Variants in COG6 observed in about 807,000 individuals in gnomAD.
COG6 encodes the protein component of oligomeric golgi complex 6.
A neutral mutation model predicts 88.8 loss-of-function variants in COG6; 74 were observed. That is an observed-to-expected ratio of 0.83 (90% confidence interval 0.69 to 1.01). The LOEUF (loss-of-function observed/expected upper bound fraction) is 1.01, where lower values mean the gene tolerates loss of function less well. COG6 is among the 50% of genes least tolerant of loss of function. The pLI is 0.00. For synonymous variants in COG6, 286 were observed against 278.7 expected, an observed-to-expected ratio of 1.03 and a Z score of -0.26; for missense variants, 800 against 797.9, an observed-to-expected ratio of 1.00 and a Z score of -0.03.
intron 4 of COG6, among the ~76,000 whole-genome samples, chr13:39,676,465 G>A (rs1445753133): frequency 6.6e-6 from 1 of 152,000 alleles, no homozygotes; most frequent in Non-Finnish European, 1.5e-5. Context: ...ATTCAATTAG[G>A]TGATTTATCA....
chr13:39,707,820 T>C (rs1202056923), intron 13 of COG6, among the ~76,000 whole-genome samples: 1 of 152,224 alleles, frequency 6.6e-6, no homozygotes, highest in East Asian at 1.9e-4. Flanking sequence ...ATGTTTCTAG[T>C]TCTTGGATAT....
At chr13:39,730,131 T>A (rs1249228480) in intron 18 of COG6, among the ~76,000 whole-genome samples, 2 of 152,174 alleles carry the variant, frequency 1.3e-5, no homozygotes, top group Non-Finnish European at 2.9e-5. Flanking sequence ...TACTTTTTTT[T>A]AAATGTGAAT....
At chr13:39,725,631 TAAG>T (rs1267499339) in intron 17 of COG6, among the ~76,000 whole-genome samples, 1 of 151,602 alleles carries the variant, frequency 6.6e-6, no homozygotes, top group Non-Finnish European at 1.5e-5. Context: ...ATGAGACAAA[TAAG>T]AAACATTATG....
At chr13:39,689,457 T>A (rs977957034) in intron 10 of COG6, among the ~76,000 whole-genome samples, 3 of 152,170 alleles carry the variant, frequency 2.0e-5, no homozygotes, top group Admixed American at 1.3e-4. Context: ...CATTTCACCC[T>A]CTTTTTTTCC....
intron 13 of COG6, among the ~76,000 whole-genome samples, chr13:39,706,883 C>T (rs914310021): frequency 1.3e-5 from 2 of 151,904 alleles, no homozygotes; most frequent in African/African-American, 4.8e-5. Context: ...AGGGTTTCAC[C>T]ATGTTGGCCA....
At chr13:39,656,031 G>A (rs1874464631) in intron 1 of COG6, 152 bp downstream of exon 1, 1 of 998,410 alleles carries the variant, frequency 1.0e-6, no homozygotes, top group Non-Finnish European at 1.6e-6. Context: ...GCTGCTCTGC[G>A]GGCGCCGGGG....
At chr13:39,703,197 A>G (rs1877682708) in intron 13 of COG6, among the ~76,000 whole-genome samples, 1 of 151,912 alleles carries the variant, frequency 6.6e-6, no homozygotes, top group Admixed American at 6.6e-5. Flanking sequence ...ATTTTCACCC[A>G]TTTCCTCAAA....
chr13:39,761,876 A>G (rs936295433), intron 18 of COG6, among the ~76,000 whole-genome samples: 3 of 151,804 alleles, frequency 2.0e-5, no homozygotes, highest in African/African-American at 7.2e-5. Context: ...AAAATAACAA[A>G]TGTTGACAAG....
intron 2 of COG6, 27 bp downstream of exon 2, chr13:39,659,534 A>G: frequency 6.3e-7 from 1 of 1,599,582 alleles, no homozygotes; most frequent in Non-Finnish European, 8.6e-7. Flanking sequence ...CATTTAGCAT[A>G]TATTGAGAAC....
intron 4 of COG6, among the ~76,000 whole-genome samples, chr13:39,669,716 T>C (rs972607638): frequency 2.0e-5 from 3 of 152,220 alleles, no homozygotes; most frequent in African/African-American, 7.2e-5. Flanking sequence ...ACATTGTGCT[T>C]CTGTTCATGT....
rs34623774 is a variant in COG6 at position 39,699,514 on chromosome 13, A to G, written c.1180A>G (p.Asn394Asp). 5.2e-4 allele frequency: 817 copies of G among 1,561,924 alleles called. 2 individuals are homozygous for G. In the African/African-American group the frequency reaches 0.01, roughly 20 times the overall value. The change falls in exon 13 of 19, where the codon AAT becomes GAT. Residue 394 changes from asparagine (N) to aspartate (D), a missense_variant. Coordinates refer to ENST00000455146, the MANE Select transcript of COG6 (RefSeq NM_020751.3). ...CTTTGCTTTTAGTGGTATTGTTGGA[A>G]ATAGTGCAACTGCATTATTGACTAC... The part of the protein sequence containing the change: ...YHHTISGIVG[N>D]SATALLTTIE...
chr13:39,785,532 T>A (rs1881746923), intron 18 of COG6: 1 of 152,202 alleles, frequency 6.6e-6, no homozygotes, highest in African/African-American at 2.4e-5. Context: ...GAAAATTAAC[T>A]TATGTCTATG....
chr13:39,710,573 A>G (rs747101267), intron 13 of COG6, among the ~76,000 whole-genome samples: 29 of 152,254 alleles, frequency 1.9e-4, no homozygotes, highest in Non-Finnish European at 3.8e-4. Context: ...GATTTGGATC[A>G]TTTGCATTTG....
intron 18 of COG6, among the ~76,000 whole-genome samples, chr13:39,734,946 G>A (rs1356758909): frequency 1.3e-5 from 2 of 151,660 alleles, no homozygotes; most frequent in African/African-American, 4.8e-5. Context: ...GTTTCCACTG[G>A]CATGGAGTAT....
At chr13:39,779,682 A>G (rs1881570417) in intron 18 of COG6, among the ~76,000 whole-genome samples, 1 of 152,198 alleles carries the variant, frequency 6.6e-6, no homozygotes, top group South Asian at 2.1e-4. Flanking sequence ...ATCCTTTCAG[A>G]TTCTTAACGT....
At chr13:39,784,719 C>A (rs1347048563) in intron 18 of COG6, among the ~76,000 whole-genome samples, 2 of 152,130 alleles carry the variant, frequency 1.3e-5, no homozygotes, top group Admixed American at 1.3e-4. Flanking sequence ...GGCCCAGGAA[C>A]AGGGGAGAAC....
intron 18 of COG6, among the ~76,000 whole-genome samples, chr13:39,781,927 TTTTC>T (rs1163629143): frequency 6.6e-6 from 1 of 152,262 alleles, no homozygotes; most frequent in East Asian, 1.9e-4. Flanking sequence ...TGTTTTATAA[TTTTC>T]TTTCTAATTT....
intron 1 of COG6, among the ~76,000 whole-genome samples, chr13:39,658,199 A>G (rs528483891): frequency 3.3e-5 from 5 of 151,500 alleles, no homozygotes; most frequent in Non-Finnish European, 4.4e-5. Flanking sequence ...CTGGAGTCCA[A>G]TGGAGAGAAC....
At chr13:39,683,915 T>C (rs1410583028) in intron 8 of COG6, among the ~76,000 whole-genome samples, 2 of 152,168 alleles carry the variant, frequency 1.3e-5, no homozygotes, top group East Asian at 3.9e-4. Flanking sequence ...CTTTGAGAAG[T>C]CCGTGTACCT....
Sources: allele counts gnomAD v4.1 joint callset (sites outside exome capture counted in the v4.1 genomes callset), GRCh38; gene constraint gnomAD v4.1.1; transcripts MANE v1.5; gene names NCBI Gene and HGNC (gene_info 2026-07-23, HGNC 2026-07-21).